Variants in AFG2A observed in about 807,000 individuals in gnomAD.
The protein encoded by AFG2A is ATPase family gene 2 protein homolog A.
the AFG2A span, among the ~76,000 whole-genome samples, chr4:123,274,444 CA>C: frequency 6.6e-6 from 1 of 151,380 alleles, no homozygotes; most frequent in Admixed American, 6.6e-5. Flanking sequence ...ACCATAATAA[CA>C]AATAATTTTT....
chr4:123,002,419 G>T, the AFG2A span, among the ~76,000 whole-genome samples: 2 of 152,024 alleles, frequency 1.3e-5, no homozygotes, highest in African/African-American at 4.8e-5. Context: ...TTACATTTTG[G>T]CATGATTTTG....
At chr4:123,181,937 G>A in the AFG2A span, among the ~76,000 whole-genome samples, 22 of 152,240 alleles carry the variant, frequency 1.4e-4, no homozygotes, top group African/African-American at 4.6e-4. Flanking sequence ...GCTAAGATTA[G>A]TATCATCTGA....
At chr4:122,989,592 G>GT in the AFG2A span, among the ~76,000 whole-genome samples, 29 of 152,274 alleles carry the variant, frequency 1.9e-4, no homozygotes, top group African/African-American at 6.5e-4. Context: ...ACAGTGGCTG[G>GT]TTCGGAATTT....
At chr4:122,953,924 C>G in the AFG2A span, among the ~76,000 whole-genome samples, 1 of 152,236 alleles carries the variant, frequency 6.6e-6, no homozygotes, top group Non-Finnish European at 1.5e-5. Flanking sequence ...ACTAGCACAC[C>G]ATACCATTGG....
At chr4:123,031,831 G>A in the AFG2A span, among the ~76,000 whole-genome samples, 14,278 of 152,208 alleles carry the variant, frequency 0.094, 863 homozygotes, top group Middle Eastern at 0.21. Context: ...TAAAAGATAC[G>A]TACTGTACTC....
the AFG2A span, among the ~76,000 whole-genome samples, chr4:123,173,147 CAGGGGAT>C: frequency 6.6e-6 from 1 of 151,956 alleles, no homozygotes; most frequent in Non-Finnish European, 1.5e-5. Flanking sequence ...ACCAGATTTT[CAGGGGAT>C]GTAACTCCTG....
chr4:123,203,384 G>A, the AFG2A span, among the ~76,000 whole-genome samples: 10 of 151,830 alleles, frequency 6.6e-5, no homozygotes, highest in South Asian at 2.1e-4. Context: ...GTCCAATGGC[G>A]CAGTCTTGGC....
chr4:123,239,142 G>A, the AFG2A span, among the ~76,000 whole-genome samples: 3 of 152,030 alleles, frequency 2.0e-5, no homozygotes, highest in African/African-American at 7.2e-5. Context: ...AGAGAAAAAA[G>A]AGTAAAAAGA....
chr4:123,097,623 T>A, the AFG2A span, among the ~76,000 whole-genome samples: 23 of 152,230 alleles, frequency 1.5e-4, no homozygotes, highest in South Asian at 4.3e-3. Flanking sequence ...TCTTCTTTTG[T>A]TTGTTTTTAA....
At chr4:123,059,894 C>G in the AFG2A span, among the ~76,000 whole-genome samples, 1 of 152,200 alleles carries the variant, frequency 6.6e-6, no homozygotes, top group Admixed American at 6.5e-5. Flanking sequence ...TTGCATTTCT[C>G]TGATGGCCAG....
the AFG2A span, among the ~76,000 whole-genome samples, chr4:122,929,683 A>G: frequency 6.9e-6 from 1 of 144,380 alleles, no homozygotes; most frequent in African/African-American, 2.6e-5. Context: ...TGGGTGACAG[A>G]GTGAGACTGT....
At chr4:122,934,143 T>G in the AFG2A span, 1 of 1,613,996 alleles carries the variant, frequency 6.2e-7, no homozygotes, top group Non-Finnish European at 8.5e-7. Context: ...GTACATTCTA[T>G]GGACGACCGT....
chr4:123,174,959 G>A, the AFG2A span, among the ~76,000 whole-genome samples: 1 of 151,868 alleles, frequency 6.6e-6, no homozygotes, highest in African/African-American at 2.4e-5. Flanking sequence ...TCCCCCTCAG[G>A]TAGCTGGGAC....
chr4:123,001,173 C>T, the AFG2A span, among the ~76,000 whole-genome samples: 17 of 147,296 alleles, frequency 1.2e-4, no homozygotes, highest in African/African-American at 1.7e-4. Flanking sequence ...TTTTTTATTG[C>T]GTTTATTTGA....
At chr4:123,127,154 T>C in the AFG2A span, among the ~76,000 whole-genome samples, 9 of 152,176 alleles carry the variant, frequency 5.9e-5, no homozygotes, top group African/African-American at 2.2e-4. Flanking sequence ...TGGTGATCCG[T>C]GATCTTGCCA....
At chr4:123,212,113 A>G in the AFG2A span, among the ~76,000 whole-genome samples, 1 of 152,034 alleles carries the variant, frequency 6.6e-6, no homozygotes, top group East Asian at 1.9e-4. Context: ...CAGGAAGGAC[A>G]CCTTTTCTTG....
chr4:123,197,522 C>A, the AFG2A span, among the ~76,000 whole-genome samples: 1 of 152,140 alleles, frequency 6.6e-6, no homozygotes, highest in Non-Finnish European at 1.5e-5. Context: ...GTAATCCGAG[C>A]ACTTTGGGAG....
At chr4:123,305,143 A>G in the AFG2A span, among the ~76,000 whole-genome samples, 1 of 152,178 alleles carries the variant, frequency 6.6e-6, no homozygotes, top group South Asian at 2.1e-4. Flanking sequence ...TGTGCCTGCC[A>G]GAAGTGTGGG....
the AFG2A span, among the ~76,000 whole-genome samples, chr4:123,152,970 T>C: frequency 2.0e-5 from 3 of 152,240 alleles, no homozygotes; most frequent in South Asian, 2.1e-4. Flanking sequence ...TGCAGTGTCT[T>C]GAATGCTTAT....
Sources: allele counts gnomAD v4.1 joint callset (sites outside exome capture counted in the v4.1 genomes callset), GRCh38; gene constraint gnomAD v4.1.1; transcripts MANE v1.5; gene names NCBI Gene and HGNC (gene_info 2026-07-23, HGNC 2026-07-21).